The following FOXO3 variants were observed in gnomAD, a reference collection of about 807,000 sequenced individuals.
FOXO3 encodes forkhead box O3.
FOXO3 carries 4 observed loss-of-function variants against 41.9 expected under a neutral mutation model. That is an observed-to-expected ratio of 0.10 (90% CI 0.05 to 0.22). FOXO3 has a LOEUF of 0.22. Among genes scored for constraint, FOXO3 ranks in the 10% least tolerant of loss-of-function variants. The pLI is 1.00. For missense variants in FOXO3, 534 were observed against 906.8 expected (o/e 0.59, Z 5.28); for synonymous variants, 318 against 389.3 (o/e 0.82, Z 2.16).
At chr6:108,616,723 A>G (rs1260376681) in intron 1 of FOXO3, among the ~76,000 whole-genome samples, 1 of 152,186 alleles carries the variant, frequency 6.6e-6, no homozygotes, top group East Asian at 1.9e-4. Flanking sequence ...CTGTTGTGCA[A>G]CCACAATCTA....
At chr6:108,582,860 C>T (rs1205040220) in intron 1 of FOXO3, among the ~76,000 whole-genome samples, 4 of 152,108 alleles carry the variant, frequency 2.6e-5, no homozygotes, top group Non-Finnish European at 5.9e-5. Flanking sequence ...AGCAGCCCTG[C>T]TTTATGTCCC....
At chr6:108,654,302 A>G (rs1562259247) in intron 1 of FOXO3, among the ~76,000 whole-genome samples, 2 of 146,026 alleles carry the variant, frequency 1.4e-5, no homozygotes, top group Non-Finnish European at 2.9e-5. Context: ...TTACTAAAAG[A>G]AAAAATAATA....
At chr6:108,641,922 A>G (rs1326898361) in intron 1 of FOXO3, among the ~76,000 whole-genome samples, 1 of 152,184 alleles carries the variant, frequency 6.6e-6, no homozygotes, top group Non-Finnish European at 1.5e-5. Context: ...CTGTCCATAT[A>G]AATGAGTTAA....
At chr6:108,666,480 C>T (rs1779065110) in intron 2 of FOXO3, among the ~76,000 whole-genome samples, 1 of 151,678 alleles carries the variant, frequency 6.6e-6, no homozygotes, top group African/African-American at 2.4e-5. Flanking sequence ...GGACTACAGG[C>T]GCCCGCCACC....
intron 1 of FOXO3, among the ~76,000 whole-genome samples, chr6:108,570,216 G>A (rs1776062273): frequency 6.6e-6 from 1 of 152,036 alleles, no homozygotes; most frequent in African/African-American, 2.4e-5. Context: ...AGCCAGGATG[G>A]TCTTGATCTG....
chr6:108,576,697 A>G (rs1476779201), intron 1 of FOXO3, among the ~76,000 whole-genome samples: 6 of 152,230 alleles, frequency 3.9e-5, no homozygotes, highest in African/African-American at 1.4e-4. Flanking sequence ...GTGGAAATAC[A>G]TCTGGATTTT....
intron 1 of FOXO3, among the ~76,000 whole-genome samples, chr6:108,593,839 C>A (rs981117907): frequency 6.6e-6 from 1 of 150,516 alleles, no homozygotes; most frequent in Non-Finnish European, 1.5e-5. Context: ...GCCTCAGCCT[C>A]CCGAGTAGCT....
intron 1 of FOXO3, among the ~76,000 whole-genome samples, chr6:108,645,934 T>C (rs1191066522): frequency 2.0e-5 from 3 of 152,180 alleles, no homozygotes; most frequent in Non-Finnish European, 1.5e-5. Context: ...TTCCTAAAAA[T>C]AGAATTGTTG....
intron 1 of FOXO3, among the ~76,000 whole-genome samples, chr6:108,623,774 G>T (rs193024755): frequency 2.6e-5 from 4 of 152,084 alleles, no homozygotes; most frequent in African/African-American, 9.7e-5. Flanking sequence ...TCATAAACTG[G>T]ACTTAAGAAG....
intron 1 of FOXO3, among the ~76,000 whole-genome samples, chr6:108,656,957 C>T (rs751954544): frequency 6.6e-6 from 1 of 152,172 alleles, no homozygotes; most frequent in Non-Finnish European, 1.5e-5. Context: ...GTGGACCAAA[C>T]AAAGGAATCT....
At chr6:108,589,082 G>T (rs75544369) in intron 1 of FOXO3, among the ~76,000 whole-genome samples, 1 of 152,164 alleles carries the variant, frequency 6.6e-6, no homozygotes, top group Non-Finnish European at 1.5e-5. Context: ...ATGCAAATCC[G>T]TCTTAAGGAG....
At chr6:108,655,244 G>A (rs562058116) in intron 1 of FOXO3, among the ~76,000 whole-genome samples, 3 of 152,234 alleles carry the variant, frequency 2.0e-5, no homozygotes, top group Admixed American at 2.0e-4. Flanking sequence ...CTCACCTCAT[G>A]ATTTTCAAAA....
At chr6:108,578,343 G>A (rs992550757) in intron 1 of FOXO3, among the ~76,000 whole-genome samples, 2 of 152,206 alleles carry the variant, frequency 1.3e-5, no homozygotes, top group African/African-American at 4.8e-5. Flanking sequence ...GGTGATAGGA[G>A]TAAAAAATCT....
intron 1 of FOXO3, among the ~76,000 whole-genome samples, chr6:108,565,511 C>G (rs1205837618): frequency 1.3e-5 from 2 of 152,230 alleles, no homozygotes; most frequent in Non-Finnish European, 2.9e-5. Context: ...CTATCTATCA[C>G]TTATTTCGTT....
intron 1 of FOXO3, among the ~76,000 whole-genome samples, chr6:108,569,987 GTTTTTTTTTTTTTT>G (rs71015551): frequency 5.5e-5 from 4 of 73,264 alleles, no homozygotes; most frequent in Non-Finnish European, 7.2e-5. Flanking sequence ...CCCTTGCGTG[GTTTTTTTTTTTTTT>G]TTTTTTTTTT....
rs146602152 is a variant in FOXO3, at chr6:108,622,287, G to T, written c.622-41168G>T. ...AAAAAAAAAAAAAAAAAAAGGCAGGGATATCTGAGACTTAAGTTCCTCTTG... is the reference window on the plus strand; with the variant it reads ...AAAAAAAAAAAAAAAAAAAGGCAGGTATATCTGAGACTTAAGTTCCTCTTG... On this transcript the variant is annotated intron_variant, in intron 1 of 2. Transcript: ENST00000406360. Among the ~76,000 whole-genome samples the T allele has an allele frequency of 4.3e-3, 642 of 150,978 alleles. 4 individuals are homozygous for T. The highest frequency in any genetic ancestry group is 0.015 in the African/African-American group (596 of 41,048).
chr6:108,642,858 T>TGTCCAGTTAGTGGTTCCATAAA (rs1778297263), intron 1 of FOXO3, among the ~76,000 whole-genome samples: 1 of 152,220 alleles, frequency 6.6e-6, no homozygotes, highest in African/African-American at 2.4e-5. Context: ...GTCTGATCCC[T>TGTCCAGTTAGTGGTTCCATAAA]GTCCAGTTAG....
rs1051514248 is a variant in FOXO3 at position 108,682,287 on chromosome 6, A to G, written c.*2495A>G. 1 of 152,686 alleles carries G rather than the reference A, an allele frequency of 6.5e-6. No individual in the cohort carries two copies. The highest frequency in any genetic ancestry group is 1.5e-5 in the Non-Finnish European group (1 of 68,048). 9.5% of individuals were successfully genotyped at this position (152,686 alleles called of 1,614,324 possible). A position where few individuals can be genotyped will look rare whatever the true frequency, so the allele number is the denominator to read the frequency against. On this transcript the variant is annotated 3_prime_UTR_variant, in exon 3 of 3. Coordinates refer to ENST00000406360, the MANE Select transcript of FOXO3 (RefSeq NM_001455.4). ...CAGAATGTCCTAGAACCAGATTATC[A>G]TTTAATCTGAAACAGCTGAGGAAGG...
chr6:108,564,663 TA>T (rs1479341332), intron 1 of FOXO3, among the ~76,000 whole-genome samples: 1 of 152,202 alleles, frequency 6.6e-6, no homozygotes, highest in Non-Finnish European at 1.5e-5. Flanking sequence ...GATCAGAATC[TA>T]AATCAGTGGT....
Sources: gnomAD v4.1 joint callset for allele counts (sites outside exome capture counted in the v4.1 genomes callset) on GRCh38, gnomAD v4.1.1 for gene constraint, MANE v1.5 for transcripts, NCBI Gene and HGNC (gene_info 2026-07-23, HGNC 2026-07-21) for gene names.